Variants in PLEKHA2 observed in about 807,000 individuals in gnomAD.
PLEKHA2 encodes pleckstrin homology domain-containing family A member 2.
A neutral mutation model predicts 53.2 loss-of-function variants in PLEKHA2; 28 were observed. That is an observed-to-expected ratio of 0.53 (90% CI 0.39 to 0.72). The LOEUF is 0.72. Ranked by LOEUF, PLEKHA2 falls within the 30% of genes least tolerant of loss-of-function variation. The probability of loss-of-function intolerance (pLI) is 0.00; values close to 1 mark genes in which losing one functional copy is unlikely to be tolerated. For missense variants in PLEKHA2, 426 were observed against 537.9 expected (o/e 0.79, Z 2.06); for synonymous variants, 193 against 196.4 (o/e 0.98, Z 0.14).
At chr8:38,940,545 AGGAAT>A (rs1403083340) in intron 3 of PLEKHA2, among the ~76,000 whole-genome samples, 2 of 151,426 alleles carry the variant, frequency 1.3e-5, no homozygotes, top group African/African-American at 4.9e-5. Context: ...AGAGGACTGC[AGGAAT>A]GTGGACGCTG....
At chr8:38,958,513 A>G (rs1412994368) in intron 10 of PLEKHA2, among the ~76,000 whole-genome samples, 1 of 152,014 alleles carries the variant, frequency 6.6e-6, no homozygotes, top group Non-Finnish European at 1.5e-5. Flanking sequence ...TTGGGCAGCA[A>G]TTCCTGTCAC....
chr8:38,915,350 C>G lies in PLEKHA2; in HGVS notation c.-23-2557C>G, dbSNP rs117553642. 2.8e-4 allele frequency among the ~76,000 whole-genome samples: 43 copies of G among 152,332 alleles called. No homozygotes were observed. In the East Asian group the frequency reaches 7.5e-3, roughly 27 times the overall value. On this transcript the variant is annotated intron_variant, in intron 1 of 11. Coordinates refer to ENST00000617275, the MANE Select transcript of PLEKHA2 (RefSeq NM_021623.2). ...ACCACAGTTTGGATCGCTTAAACGG[C>G]AGAAGTTCATTTTCTCACCGATCTG... is the stretch of plus-strand genomic sequence containing the variant.
In PLEKHA2 at chr8:38,943,830, T is replaced by C. The variant is rs769738451; in HGVS notation, c.240T>C (p.Phe80=). The change falls in exon 4 of 12, where the codon TTT becomes TTC. Residue 80 remains phenylalanine (F), a synonymous_variant. Transcript: ENST00000617275. ...CAAAACAGAAACCAAAAACTCCATTTTGCTTTGGTAAGTACTGAGCCAGGG... is the reference window on the plus strand; with the variant it reads ...CAAAACAGAAACCAAAAACTCCATTCTGCTTTGGTAAGTACTGAGCCAGGG... ...ATPKQKPKTP[F]CFVINALSQR... is the part of the protein sequence containing the mutation. The C allele has an allele frequency of 3.0e-5, 48 of 1,583,890 alleles. No individual in the cohort carries two copies. In the Middle Eastern group the frequency reaches 2.5e-3, roughly 82 times the overall value.
At chr8:38,907,950 G>A (rs967968828) in intron 1 of PLEKHA2, among the ~76,000 whole-genome samples, 4 of 151,844 alleles carry the variant, frequency 2.6e-5, no homozygotes, top group Non-Finnish European at 5.9e-5. Context: ...CCACCTCCTG[G>A]GCTCAAGAGA....
chr8:38,961,997 T>C (rs1367796191), intron 10 of PLEKHA2, among the ~76,000 whole-genome samples: 4 of 152,234 alleles, frequency 2.6e-5, no homozygotes, highest in African/African-American at 9.6e-5. Context: ...CACTTTGTAG[T>C]ATAAGTACTA....
At chr8:38,917,871 T>C in intron 1 of PLEKHA2, 36 bp from the exon 2 acceptor site, 1 of 1,589,226 alleles carries the variant, frequency 6.3e-7, no homozygotes. Flanking sequence ...AGCTGCTTCA[T>C]CTTCCTTCTC....
chr8:38,961,878 C>T (rs1194701621), intron 10 of PLEKHA2, among the ~76,000 whole-genome samples: 1 of 152,180 alleles, frequency 6.6e-6, no homozygotes, highest in Non-Finnish European at 1.5e-5. Flanking sequence ...CCTGTGATTT[C>T]TCACACTGTA....
intron 3 of PLEKHA2, among the ~76,000 whole-genome samples, chr8:38,938,831 C>T (rs1414600349): frequency 3.9e-5 from 6 of 152,086 alleles, no homozygotes; most frequent in African/African-American, 1.4e-4. Flanking sequence ...AGCCACGCCT[C>T]TTCATGAGAG....
intron 1 of PLEKHA2, among the ~76,000 whole-genome samples, chr8:38,908,940 C>T (rs907869090): frequency 1.3e-5 from 2 of 152,134 alleles, no homozygotes; most frequent in East Asian, 1.9e-4. Flanking sequence ...GTCAGGAGAT[C>T]GAGACCATCC....
intron 8 of PLEKHA2, 112 bp from the exon 9 acceptor site, chr8:38,953,185 G>A: frequency 1.1e-6 from 1 of 871,546 alleles, no homozygotes; most frequent in Non-Finnish European, 1.9e-6. Context: ...CAGATTATTT[G>A]TCAACCTGAT....
At chr8:38,927,950 G>T (rs1044407385) in intron 2 of PLEKHA2, among the ~76,000 whole-genome samples, 5 of 151,984 alleles carry the variant, frequency 3.3e-5, no homozygotes, top group East Asian at 1.9e-4. Context: ...AATGGAGAGT[G>T]GGGGGGCAGG....
chr8:38,939,214 C>T (rs1004683607), intron 3 of PLEKHA2, among the ~76,000 whole-genome samples: 5 of 152,142 alleles, frequency 3.3e-5, no homozygotes, highest in African/African-American at 7.2e-5. Flanking sequence ...CCATCTTGGC[C>T]TTTCTTTCCG....
chr8:38,911,391 C>T (rs1399220661), intron 1 of PLEKHA2, among the ~76,000 whole-genome samples: 1 of 152,148 alleles, frequency 6.6e-6, no homozygotes, highest in Non-Finnish European at 1.5e-5. Flanking sequence ...TGCGCACCAC[C>T]ATGCCTGGCT....
At chr8:38,936,093 C>A in intron 3 of PLEKHA2, 43 bp downstream of exon 3, 2 of 1,589,658 alleles carry the variant, frequency 1.3e-6, no homozygotes, top group Non-Finnish European at 1.7e-6. Context: ...CTCTGTAAGT[C>A]GATCTGGTTT....
chr8:38,938,796 C>T (rs955835951), intron 3 of PLEKHA2, among the ~76,000 whole-genome samples: 8 of 152,060 alleles, frequency 5.3e-5, no homozygotes, highest in African/African-American at 1.4e-4. Flanking sequence ...TGGAGTCAGA[C>T]GGTCGGGTGA....
chr8:38,914,682 G>A (rs1834005508), intron 1 of PLEKHA2, among the ~76,000 whole-genome samples: 1 of 152,246 alleles, frequency 6.6e-6, no homozygotes, highest in African/African-American at 2.4e-5. Context: ...TGGGACCCTT[G>A]TCCCACGTCA....
chr8:38,915,156 C>T (rs1019353829), intron 1 of PLEKHA2, among the ~76,000 whole-genome samples: 3 of 152,110 alleles, frequency 2.0e-5, no homozygotes, highest in African/African-American at 7.2e-5. Flanking sequence ...GTGTTGCGCA[C>T]GTTGGTCTCA....
intron 3 of PLEKHA2, among the ~76,000 whole-genome samples, chr8:38,942,206 A>C (rs1167345748): frequency 6.6e-6 from 1 of 152,146 alleles, no homozygotes; most frequent in African/African-American, 2.4e-5. Flanking sequence ...GGTTGAGACC[A>C]GCCTTGACAA....
chr8:38,957,094 C>T (rs1834955447), intron 9 of PLEKHA2, among the ~76,000 whole-genome samples: 1 of 151,996 alleles, frequency 6.6e-6, no homozygotes. Context: ...GGAGAGGGGC[C>T]TGGGGAGGGT....
Sources: gnomAD v4.1 joint callset for allele counts (sites outside exome capture counted in the v4.1 genomes callset) on GRCh38, gnomAD v4.1.1 for gene constraint, MANE v1.5 for transcripts, NCBI Gene and HGNC (gene_info 2026-07-23, HGNC 2026-07-21) for gene names.